The following FBXO24 variants were observed in gnomAD, a reference collection of about 807,000 sequenced individuals.
FBXO24 encodes F-box only protein 24.
Under a neutral mutation model 63.5 loss-of-function variants are expected in FBXO24, and 30 were observed. The ratio of observed to expected loss-of-function variants is 0.47; its 90% CI spans 0.35 to 0.64. The LOEUF (loss-of-function observed/expected upper bound fraction) is 0.64. Among genes scored for constraint, FBXO24 ranks in the 30% least tolerant of loss-of-function variants. FBXO24 has a pLI of 0.00. For missense variants in FBXO24, 624 were observed against 763.4 expected, an observed-to-expected ratio of 0.82 and a Z score of 2.15; for synonymous variants, 300 against 305.0, an observed-to-expected ratio of 0.98 and a Z score of 0.17.
chr7:100,600,315 G>C lies in FBXO24; in HGVS notation c.1377+114G>C. ...GGACCCAGGGGGTCCCATTTCCCTA[G>C]CACCACCCCACCTCCCTCCTCTGCC... On this transcript the variant is annotated intron_variant, in intron 9 of 9. Transcript: ENST00000241071. The surrounding 1 kb of genome is among the most constrained non-coding windows in gnomAD (Gnocchi z 6.3). 1.5e-6 allele frequency: 2 copies of C among 1,376,208 alleles called. No homozygotes were observed. The highest frequency in any genetic ancestry group is 5.1e-5 in the East Asian group (2 of 39,580). 85.2% of individuals were successfully genotyped at this position (1,376,208 alleles called of 1,614,324 possible). A position where few individuals can be genotyped will look rare whatever the true frequency, so the allele number is the denominator to read the frequency against.
In FBXO24 at chr7:100,590,154, T is replaced by G. The variant is rs758090125; in HGVS notation, c.139-20T>G. Reference sequence around the variant, plus strand: ...GAGGGGCCACCAAAGACTCCCCGCTTCTTCCCTCCTCCCTCCCAGGTGGAG... The same window carrying G: ...GAGGGGCCACCAAAGACTCCCCGCTGCTTCCCTCCTCCCTCCCAGGTGGAG... On this transcript the variant is annotated intron_variant, in intron 2 of 9. Coordinates refer to ENST00000241071, the MANE Select transcript of FBXO24 (RefSeq NM_033506.3). 3.1e-6 allele frequency: 5 copies of G among 1,611,148 alleles called. No homozygotes were observed. The East Asian group carries it at 1.1e-4, about 36-fold the overall frequency.
intron 1 of FBXO24, chr7:100,589,569 C>A (rs1801896925): frequency 1.4e-6 from 2 of 1,428,944 alleles, no homozygotes; most frequent in Non-Finnish European, 1.8e-6. Context: ...GGTTTGTTAG[C>A]CCCAGACTCC....
intron 3 of FBXO24, among the ~76,000 whole-genome samples, 160 bp from the exon 4 acceptor site, chr7:100,591,507 T>C (rs1301307417): frequency 6.6e-6 from 1 of 152,216 alleles, no homozygotes; most frequent in African/African-American, 2.4e-5. Context: ...TAATCTAAGC[T>C]TATTTTCCAC....
At position 100,595,163 on chromosome 7, in the gene FBXO24, C is replaced by T. The variant is rs889818681; in HGVS notation, c.1014C>T (p.Thr338=). Residue 338 remains threonine (T), a synonymous_variant, in exon 7 of 10, where the codon ACC becomes ACT. Coordinates refer to ENST00000241071, the MANE Select transcript of FBXO24 (RefSeq NM_033506.3). ...GGGTGTATCGCGATCTCTTTGGGAC[C>T]CTTCAAGCCTTTGACCCCCTGGACC... ...TPGVYRDLFG[T]LQAFDPLDQQ... is the part of the protein sequence containing the mutation. The T allele has an allele frequency of 2.5e-6, 4 of 1,613,982 alleles. No individual in the cohort carries two copies. The highest frequency in any genetic ancestry group is 1.7e-5 in the Admixed American group (1 of 59,992).
intron 8 of FBXO24, 126 bp from the exon 9 acceptor site, chr7:100,599,904 CA>C (rs768089362): frequency 4.7e-6 from 5 of 1,055,868 alleles, no homozygotes; most frequent in Admixed American, 2.1e-5. Flanking sequence ...GGGCGTGGGA[CA>C]GTGCTGGCTC....
In FBXO24 at chr7:100,586,487, G is replaced by T. The variant is rs1801758116; in HGVS notation, c.-139G>T. On this transcript the variant is annotated 5_prime_UTR_variant, in exon 1 of 10. It adds an upstream start codon to the 5' untranslated region. Transcript: ENST00000241071. ...AAAACGGGCCGAGGGACCGCAAGCAGGGGGTGCCTAGTCCTCGTCCCCCAA... is the reference window on the plus strand; with the variant it reads ...AAAACGGGCCGAGGGACCGCAAGCATGGGGTGCCTAGTCCTCGTCCCCCAA... The T allele has an allele frequency of 1.1e-6, 1 of 870,126 alleles. No homozygotes were observed. The highest frequency in any genetic ancestry group is 1.9e-6 in the Non-Finnish European group (1 of 534,980). The allele number at this position is 870,126 out of a possible 1,614,324, so 53.9% of individuals were successfully genotyped here.
At chr7:100,590,892 A>C (rs1801982407) in intron 3 of FBXO24, among the ~76,000 whole-genome samples, 1 of 152,112 alleles carries the variant, frequency 6.6e-6, no homozygotes, top group Admixed American at 6.5e-5. Flanking sequence ...TGTACTTCTT[A>C]CACTCACTGG....
At position 100,600,593 on chromosome 7, in the gene FBXO24, C is replaced by A; in HGVS notation, c.1437C>A (p.Ser479Arg). Reference sequence around the variant, plus strand: ...GGGAGTGCCTATACATCCTGTCCAGCCACGACATTGAGCAGCACGCCCCCT... The same window carrying A: ...GGGAGTGCCTATACATCCTGTCCAGACACGACATTGAGCAGCACGCCCCCT... ...ATRECLYILS[S>R]HDIEQHAPYR... Residue 479 changes from serine to arginine, a missense_variant, in exon 10 of 10, where the codon AGC becomes AGA. This residue lies in a region of FBXO24 where 216 missense variants were observed against 245.2 expected (regional missense o/e 0.88). Coordinates refer to ENST00000241071, the MANE Select transcript of FBXO24 (RefSeq NM_033506.3). This position sits in a 1 kb window ranked among gnomAD's most constrained non-coding sequence, Gnocchi z 6.3. 1 of 1,609,140 alleles carries A rather than the reference C, an allele frequency of 6.2e-7. No homozygotes were observed. The highest frequency in any genetic ancestry group is 8.5e-7 in the Non-Finnish European group (1 of 1,176,954).
intron 8 of FBXO24, among the ~76,000 whole-genome samples, chr7:100,598,835 C>G (rs1802438861): frequency 6.6e-6 from 1 of 151,800 alleles, no homozygotes; most frequent in Admixed American, 6.6e-5. Flanking sequence ...AGAAATTAGC[C>G]AGGTGTGGCG....
chr7:100,590,251 G>A lies in FBXO24; in HGVS notation c.216G>A (p.Val72=). The A allele has an allele frequency of 6.2e-7, 1 of 1,614,172 alleles. No individual in the cohort carries two copies. The highest frequency in any genetic ancestry group is 1.1e-5 in the South Asian group (1 of 91,088). ...LGQTCRYFHE[V]CDGEGVWRRI... ...AGACCTGCCGCTACTTCCACGAAGT[G>A]TGCGATGGGGAAGGCGTGTGGAGAC... Residue 72 remains valine, a synonymous_variant, in exon 3 of 10, where the codon GTG becomes GTA. Transcript: ENST00000241071.
Position 100,594,480 on chromosome 7 carries a change from C to A in FBXO24, c.891C>A (p.Tyr297Ter). Residue 297 changes from tyrosine to a stop codon, truncating the protein, a stop_gained, in exon 6 of 10, where the codon TAC (tyrosine) becomes TAA (stop). Transcript: ENST00000241071. LOFTEE classifies it high-confidence loss of function. The surrounding 1 kb of genome is among the most constrained non-coding windows in gnomAD (Gnocchi z 4.2). Reference protein sequence around the residue: ...VQLALRKVSHYLPHLRVACMT... With the variant: ...VQLALRKVSH ...TGGCCCTGAGGAAGGTGTCCCACTA[C>A]CTGCCTCACCTGCGCGTGGCCTGCA... The A allele has an allele frequency of 6.2e-7, 1 of 1,613,572 alleles. No homozygotes were observed. The highest frequency in any genetic ancestry group is 8.5e-7 in the Non-Finnish European group (1 of 1,179,730).
chr7:100,589,541 A>G lies in FBXO24; in HGVS notation c.40-436A>G, dbSNP rs139058810. 3.7e-4 allele frequency: 516 copies of G among 1,401,968 alleles called. 2 individuals are homozygous for G. The highest frequency in any genetic ancestry group is 8.4e-6 in the Non-Finnish European group (9 of 1,074,026). The allele number at this position is 1,401,968 out of a possible 1,614,324, so 86.8% of individuals were successfully genotyped here. A position where few individuals can be genotyped will look rare whatever the true frequency, so the allele number is the denominator to read the frequency against. ...AAAGGGAACAGGTCACAGTGGCCAA[A>G]CAGTGAGGTCACAGAGAGGTTTGTT... On this transcript the variant is annotated intron_variant, in intron 1 of 9. Coordinates refer to ENST00000241071, the MANE Select transcript of FBXO24 (RefSeq NM_033506.3).
intron 3 of FBXO24, among the ~76,000 whole-genome samples, chr7:100,591,074 G>A (rs1049372366): frequency 9.3e-6 from 1 of 107,712 alleles, no homozygotes; most frequent in Non-Finnish European, 1.7e-5. Context: ...GTCTTGCTCT[G>A]TCACCCAGGC....
intron 8 of FBXO24, among the ~76,000 whole-genome samples, chr7:100,599,379 G>C (rs1318033687): frequency 6.6e-6 from 1 of 152,244 alleles, no homozygotes; most frequent in Non-Finnish European, 1.5e-5. Context: ...TTCGAGACCA[G>C]CCTGGTCAAC....
chr7:100,586,693 A>G (rs1175732687), intron 1 of FBXO24, 29 bp downstream of exon 1: 8 of 1,613,726 alleles, frequency 5.0e-6, no homozygotes, highest in Non-Finnish European at 5.9e-6. Context: ...ACTGAGGTTA[A>G]GAATGAACGC....
intron 5 of FBXO24, 38 bp downstream of exon 5, chr7:100,593,055 T>C (rs1327554128): frequency 1.9e-6 from 3 of 1,571,470 alleles, no homozygotes; most frequent in Admixed American, 3.4e-5. Flanking sequence ...AACTGTTTCC[T>C]GCAGATTCCT....
intron 8 of FBXO24, among the ~76,000 whole-genome samples, chr7:100,599,463 A>G (rs1802477611): frequency 6.6e-6 from 1 of 151,938 alleles, no homozygotes. Flanking sequence ...AGTCCTAGCT[A>G]CTTGGGAGGC....
At chr7:100,597,869 G>GT (rs1802385536) in intron 8 of FBXO24, among the ~76,000 whole-genome samples, 2 of 148,504 alleles carry the variant, frequency 1.3e-5, no homozygotes, top group African/African-American at 4.9e-5. Flanking sequence ...GCCCAGATAA[G>GT]TTTTTGTTTT....
intron 6 of FBXO24, 73 bp from the exon 7 acceptor site, chr7:100,595,029 C>A: frequency 1.9e-6 from 3 of 1,587,084 alleles, no homozygotes; most frequent in Non-Finnish European, 2.6e-6. Context: ...TTGTAGCTTT[C>A]ATCCCAGGTG....
Sources: gnomAD v4.1 joint callset for allele counts (sites outside exome capture counted in the v4.1 genomes callset) on GRCh38, gnomAD v4.1.1 for gene constraint, gnomAD v4.1.1 regional missense constraint, Gnocchi (gnomAD v3.1) non-coding constraint, MANE v1.5 for transcripts, NCBI Gene and HGNC (gene_info 2026-07-23, HGNC 2026-07-21) for gene names.